The following GPATCH2 variants were observed in gnomAD, a reference collection of about 807,000 sequenced individuals.
The protein encoded by GPATCH2 is G patch domain-containing protein 2.
Under a neutral mutation model 58.0 loss-of-function variants are expected in GPATCH2, and 51 were observed. The observed-to-expected ratio is 0.88, with a 90% confidence interval of 0.70 to 1.11. The LOEUF (loss-of-function observed/expected upper bound fraction) is 1.11, where lower values mean the gene tolerates loss of function less well. Ranked by LOEUF, GPATCH2 falls within the 50% of genes most tolerant of loss-of-function variation. The pLI, the probability that GPATCH2 is intolerant of heterozygous loss-of-function variation, is 0.00. For missense variants in GPATCH2, 625 were observed against 652.2 expected (o/e 0.96, Z 0.45); for synonymous variants, 222 against 218.5 (o/e 1.02, Z -0.14).
At chr1:217,470,934 T>C (rs1229878313) in intron 8 of GPATCH2, among the ~76,000 whole-genome samples, 1 of 151,504 alleles carries the variant, frequency 6.6e-6, no homozygotes, top group South Asian at 2.1e-4. Flanking sequence ...TACATAAGAA[T>C]GAATAAAAAA....
chr1:217,463,835 G>T (rs546739885), intron 8 of GPATCH2, among the ~76,000 whole-genome samples: 1 of 152,098 alleles, frequency 6.6e-6, no homozygotes, highest in African/African-American at 2.4e-5. Context: ...AGAGAACAAG[G>T]GTGAGAGATT....
At chr1:217,566,413 A>G (rs1666237318) in intron 5 of GPATCH2, among the ~76,000 whole-genome samples, 1 of 152,176 alleles carries the variant, frequency 6.6e-6, no homozygotes, top group Non-Finnish European at 1.5e-5. Context: ...TTAGGTCTAA[A>G]ACTGCATATG....
chr1:217,435,248 C>G (rs561639570), intron 9 of GPATCH2, among the ~76,000 whole-genome samples: 1 of 152,324 alleles, frequency 6.6e-6, no homozygotes, highest in East Asian at 1.9e-4. Context: ...ACATCTCCTA[C>G]TAACCTTTCT....
chr1:217,581,123 C>T (rs952026610), intron 5 of GPATCH2, among the ~76,000 whole-genome samples: 6 of 152,114 alleles, frequency 3.9e-5, no homozygotes, highest in South Asian at 2.1e-4. Flanking sequence ...CCCCAAGATC[C>T]GCTGGGAGAT....
At chr1:217,609,163 T>C (rs1223435383) in intron 5 of GPATCH2, 21 of 970,896 alleles carry the variant, frequency 2.2e-5, no homozygotes, top group Non-Finnish European at 2.6e-5. Context: ...TGGCTGAACT[T>C]ATTATAGTGT....
chr1:217,521,172 T>C (rs1013858602), intron 5 of GPATCH2, among the ~76,000 whole-genome samples: 24 of 152,182 alleles, frequency 1.6e-4, no homozygotes, highest in African/African-American at 5.6e-4. Context: ...GCCTACCTTA[T>C]GGCTTGCTTT....
At chr1:217,598,876 T>C (rs1667980554) in intron 5 of GPATCH2, among the ~76,000 whole-genome samples, 1 of 152,220 alleles carries the variant, frequency 6.6e-6, no homozygotes, top group Admixed American at 6.5e-5. Flanking sequence ...AAGCAGATGG[T>C]TAACAGTATA....
At chr1:217,497,946 T>TAAGA (rs1247821964) in intron 7 of GPATCH2, among the ~76,000 whole-genome samples, 4 of 152,202 alleles carry the variant, frequency 2.6e-5, no homozygotes, top group African/African-American at 9.6e-5. Context: ...TGTAAAAGTA[T>TAAGA]AAGAAACTCT....
intron 5 of GPATCH2, among the ~76,000 whole-genome samples, chr1:217,586,432 T>C: frequency 6.6e-6 from 1 of 152,048 alleles, no homozygotes; most frequent in East Asian, 1.9e-4. Flanking sequence ...AGCCCAGTCC[T>C]ACACAAGGTG....
chr1:217,608,448 T>C, intron 5 of GPATCH2: 1 of 985,186 alleles, frequency 1.0e-6, no homozygotes, highest in Non-Finnish European at 1.2e-6. Context: ...GAAAGCAGCT[T>C]TTAGTATGGT....
chr1:217,614,302 C>A, intron 2 of GPATCH2, 100 bp from the exon 3 acceptor site: 1 of 695,028 alleles, frequency 1.4e-6, no homozygotes, highest in South Asian at 1.7e-5. Flanking sequence ...GAACTTAAGC[C>A]TGACAAAGAT....
chr1:217,551,988 T>C (rs1665385147), intron 5 of GPATCH2, among the ~76,000 whole-genome samples: 1 of 152,024 alleles, frequency 6.6e-6, no homozygotes, highest in South Asian at 2.1e-4. Flanking sequence ...ATTAAGAAAA[T>C]AAGATAATTT....
At chr1:217,514,957 G>T in intron 5 of GPATCH2, 68 bp from the exon 6 acceptor site, 1 of 749,664 alleles carries the variant, frequency 1.3e-6, no homozygotes, top group Non-Finnish European at 2.4e-6. Context: ...GGATAATAGT[G>T]ATATATCAAT....
chr1:217,454,459 G>C (rs1424194847), intron 8 of GPATCH2, among the ~76,000 whole-genome samples: 1 of 151,510 alleles, frequency 6.6e-6, no homozygotes, highest in East Asian at 2.0e-4. Flanking sequence ...CGTGGTGGTG[G>C]GCGCCTGTAG....
At chr1:217,490,883 T>C (rs1661696706) in intron 8 of GPATCH2, among the ~76,000 whole-genome samples, 1 of 152,222 alleles carries the variant, frequency 6.6e-6, no homozygotes, top group African/African-American at 2.4e-5. Flanking sequence ...CTGGGTAGGA[T>C]TTGCATTTGC....
chr1:217,517,187 T>G (rs1400140903), intron 5 of GPATCH2, among the ~76,000 whole-genome samples: 1 of 152,164 alleles, frequency 6.6e-6, no homozygotes, highest in Non-Finnish European at 1.5e-5. Context: ...TTAAATAATT[T>G]TACCTATTTA....
intron 5 of GPATCH2, among the ~76,000 whole-genome samples, chr1:217,538,240 G>T (rs1221606602): frequency 6.6e-6 from 1 of 152,162 alleles, no homozygotes; most frequent in Non-Finnish European, 1.5e-5. Context: ...CATGAAGCAG[G>T]TTCATGACAA....
At chr1:217,451,963 G>A (rs1571723057) in intron 8 of GPATCH2, among the ~76,000 whole-genome samples, 1 of 152,204 alleles carries the variant, frequency 6.6e-6, no homozygotes, top group African/African-American at 2.4e-5. Flanking sequence ...TGTTCAGGGA[G>A]TTATGAGTAG....
intron 5 of GPATCH2, among the ~76,000 whole-genome samples, chr1:217,600,028 A>G (rs530000625): frequency 1.6e-4 from 25 of 152,306 alleles, no homozygotes; most frequent in Middle Eastern, 6.8e-3. Flanking sequence ...CATGTCACTT[A>G]AAGATAAACA....
Sources: allele counts gnomAD v4.1 joint callset (sites outside exome capture counted in the v4.1 genomes callset), GRCh38; gene constraint gnomAD v4.1.1; transcripts MANE v1.5; gene names NCBI Gene and HGNC (gene_info 2026-07-23, HGNC 2026-07-21).